H2BC18: variants seen among roughly 807,000 people sequenced by gnomAD.
The protein encoded by H2BC18 is H2B clustered histone 18, also known as histone H2B type 2-F.
H2BC18 carries 8 observed loss-of-function variants against 6.3 expected under a neutral mutation model. The observed-to-expected ratio is 1.28, with a 90% CI of 0.75 to 2.31. The LOEUF (loss-of-function observed/expected upper bound fraction) is 2.31. Ranked by LOEUF, H2BC18 falls within the 30% of genes most tolerant of loss-of-function variation. The probability of loss-of-function intolerance (pLI) is 0.00; values close to 1 mark genes in which losing one functional copy is unlikely to be tolerated. For missense variants in H2BC18, 106 were observed against 174.5 expected, an observed-to-expected ratio of 0.61 and a Z score of 2.21; for synonymous variants, 104 against 78.1, an observed-to-expected ratio of 1.33 and a Z score of -1.75.
chr1:149,784,255 G>A (rs782461099), intron 1 of H2BC18: 6 of 1,610,986 alleles, frequency 3.7e-6, no homozygotes, highest in East Asian at 4.5e-5. Context: ...GAAATCCACA[G>A]AGGTAATTAT....
intron 1 of H2BC18, chr1:149,803,706 A>G (rs2091893260): frequency 6.6e-6 from 1 of 152,262 alleles, no homozygotes; most frequent in Non-Finnish European, 1.5e-5. Context: ...CATCTAAAGC[A>G]AAGTTCCTTG....
chr1:149,801,181 A>G (rs2091865437), intron 1 of H2BC18, among the ~76,000 whole-genome samples: 1 of 152,050 alleles, frequency 6.6e-6, no homozygotes, highest in Admixed American at 6.6e-5. Flanking sequence ...AGTTGCCCCA[A>G]GACCAACTTT....
chr1:149,790,452 A>G (rs2091678029), intron 1 of H2BC18: 4 of 1,526,704 alleles, frequency 2.6e-6, no homozygotes, highest in Middle Eastern at 2.3e-4. Context: ...AAGTCTCTTC[A>G]GGAAAAGCCC....
chr1:149,801,849 G>A (rs1191430221), intron 1 of H2BC18, among the ~76,000 whole-genome samples: 3 of 152,002 alleles, frequency 2.0e-5, no homozygotes, highest in Admixed American at 6.5e-5. Flanking sequence ...GTTTCATTAC[G>A]CTTCTATCTT....
chr1:149,811,787 C>T (rs1229394756), downstream of H2BC18: 7 of 689,544 alleles, frequency 1.0e-5, no homozygotes, highest in Non-Finnish European at 1.5e-5. Context: ...TAGTCCTAAA[C>T]CCGAATGCAT....
At chr1:149,785,897 G>A (rs1553750798) in intron 1 of H2BC18, 1 of 152,000 alleles carries the variant, frequency 6.6e-6, no homozygotes, top group Non-Finnish European at 1.5e-5. Context: ...TACGGTATGG[G>A]ACAGGATGTA....
chr1:149,791,532 G>A, intron 1 of H2BC18: 3 of 1,610,486 alleles, frequency 1.9e-6, no homozygotes, highest in South Asian at 2.2e-5. Context: ...GGCTCAGTGG[G>A]TGGCCATCGA....
intron 1 of H2BC18, among the ~76,000 whole-genome samples, chr1:149,802,119 C>A (rs587758747): frequency 6.6e-6 from 1 of 151,978 alleles, no homozygotes; most frequent in Non-Finnish European, 1.5e-5. Context: ...GGGGGGCAGG[C>A]GGGAGTTATT....
At chr1:149,796,728 CT>C (rs2091804472) in intron 1 of H2BC18, among the ~76,000 whole-genome samples, 1 of 152,166 alleles carries the variant, frequency 6.6e-6, no homozygotes, top group Non-Finnish European at 1.5e-5. Context: ...TATCATGGCA[CT>C]TAATAGTCAA....
At chr1:149,811,119 G>A (rs1236703118), downstream of H2BC18, 2 of 152,302 alleles carry the variant, frequency 1.3e-5, no homozygotes, top group Admixed American at 1.3e-4. Context: ...CTGAAGGTTA[G>A]GGATGTCTTT....
At chr1:149,787,646 G>C (rs1253974631) in intron 1 of H2BC18, 1 of 152,036 alleles carries the variant, frequency 6.6e-6, no homozygotes, top group Non-Finnish European at 1.5e-5. Flanking sequence ...AGTTTCCATG[G>C]GTCAGGACTC....
intron 1 of H2BC18, among the ~76,000 whole-genome samples, chr1:149,797,725 G>C (rs1289997550): frequency 6.6e-6 from 1 of 152,044 alleles, no homozygotes; most frequent in African/African-American, 2.4e-5. Context: ...GGCCTCCCTA[G>C]CAGTTCGAAC....
chr1:149,784,076 C>T (rs17853068), intron 1 of H2BC18: 1 of 1,611,462 alleles, frequency 6.2e-7, no homozygotes. Flanking sequence ...TAACCTTGCA[C>T]TGTGAGGTGC....
intron 1 of H2BC18, chr1:149,791,568 T>C (rs2091714418): frequency 4.4e-6 from 7 of 1,608,372 alleles, no homozygotes; most frequent in Non-Finnish European, 5.9e-6. Flanking sequence ...GCCCACTTGC[T>C]CCCCGTGAGC....
At chr1:149,789,097 A>T (rs1553751301) in intron 1 of H2BC18, among the ~76,000 whole-genome samples, 1 of 151,666 alleles carries the variant, frequency 6.6e-6, no homozygotes, top group East Asian at 1.9e-4. Context: ...AGCAGTTTGC[A>T]TATGGCCTTG....
chr1:149,791,580 C>T, intron 1 of H2BC18: 1 of 1,598,294 alleles, frequency 6.3e-7, no homozygotes, highest in Non-Finnish European at 8.5e-7. Flanking sequence ...CCCGTGAGCA[C>T]TGCGTACAAA....
chr1:149,793,597 C>T (rs1171421879), intron 1 of H2BC18, among the ~76,000 whole-genome samples: 3 of 151,886 alleles, frequency 2.0e-5, no homozygotes, highest in Admixed American at 1.3e-4. Context: ...TGGGACCTAC[C>T]GAGGCTTCAC....
At chr1:149,801,802 G>A (rs1278983626) in intron 1 of H2BC18, among the ~76,000 whole-genome samples, 2 of 151,954 alleles carry the variant, frequency 1.3e-5, no homozygotes, top group African/African-American at 4.8e-5. Context: ...TAATTCATAG[G>A]TTATTTCCTC....
At chr1:149,811,322 A>AG (rs1286630792), downstream of H2BC18, 2 of 158,996 alleles carry the variant, frequency 1.3e-5, no homozygotes, top group African/African-American at 4.8e-5. Flanking sequence ...AATACTCCAC[A>AG]GGGGGTGGGG....
Sources: gnomAD v4.1 joint callset for allele counts (sites outside exome capture counted in the v4.1 genomes callset) on GRCh38, gnomAD v4.1.1 for gene constraint, MANE v1.5 for transcripts, NCBI Gene and HGNC (gene_info 2026-07-23, HGNC 2026-07-21) for gene names.